Variants in SLC9A9 observed in about 807,000 individuals in gnomAD.
SLC9A9 encodes the protein sodium/hydrogen exchanger 9.
Under a neutral mutation model 77.8 loss-of-function variants are expected in SLC9A9, and 62 were observed. That is an observed-to-expected ratio of 0.80 (90% CI 0.65 to 0.98). The LOEUF is 0.98. Ranked by LOEUF, SLC9A9 falls within the 50% of genes least tolerant of loss-of-function variation. The probability of loss-of-function intolerance (pLI) is 0.00; values close to 1 mark genes in which losing one functional copy is unlikely to be tolerated. For synonymous variants in SLC9A9, 320 were observed against 283.5 expected, an observed-to-expected ratio of 1.13 and a Z score of -1.29; for missense variants, 775 against 774.9, an observed-to-expected ratio of 1.00 and a Z score of 0.00.
intron 14 of SLC9A9, among the ~76,000 whole-genome samples, chr3:143,349,517 T>G (rs1232636093): frequency 6.6e-6 from 1 of 152,212 alleles, no homozygotes; most frequent in Non-Finnish European, 1.5e-5. Flanking sequence ...GTAAGTATAA[T>G]AGTGTGAATC....
intron 4 of SLC9A9, among the ~76,000 whole-genome samples, chr3:143,725,045 C>T (rs1487566285): frequency 6.6e-6 from 1 of 152,166 alleles, no homozygotes; most frequent in Non-Finnish European, 1.5e-5. Flanking sequence ...TGCCTGGGCC[C>T]CTACATACAT....
intron 8 of SLC9A9, among the ~76,000 whole-genome samples, chr3:143,554,835 T>C (rs2036951846): frequency 6.6e-6 from 1 of 152,194 alleles, no homozygotes. Flanking sequence ...TCTGCAGATA[T>C]CCACATGGCT....
At chr3:143,840,358 C>T (rs1294913043) in intron 1 of SLC9A9, among the ~76,000 whole-genome samples, 1 of 151,722 alleles carries the variant, frequency 6.6e-6, no homozygotes, top group Non-Finnish European at 1.5e-5. Context: ...AATGGTTCTA[C>T]CTTCAGTATC....
intron 14 of SLC9A9, among the ~76,000 whole-genome samples, chr3:143,355,623 T>C (rs1214601530): frequency 2.0e-5 from 3 of 152,220 alleles, no homozygotes; most frequent in African/African-American, 7.2e-5. Context: ...CTTTATACCA[T>C]AGATGTGTTC....
chr3:143,802,988 TC>T (rs1333285324), intron 2 of SLC9A9, among the ~76,000 whole-genome samples: 1 of 152,046 alleles, frequency 6.6e-6, no homozygotes, highest in African/African-American at 2.4e-5. Context: ...CTGCTAATCT[TC>T]TCTTGCCTAC....
At chr3:143,765,111 T>TTTTC (rs1253555424) in intron 4 of SLC9A9, among the ~76,000 whole-genome samples, 1 of 150,512 alleles carries the variant, frequency 6.6e-6, no homozygotes, top group Non-Finnish European at 1.5e-5. Context: ...CTTTCCCTCT[T>TTTTC]TTTCTTTCTT....
intron 4 of SLC9A9, among the ~76,000 whole-genome samples, chr3:143,760,823 C>G (rs530967459): frequency 6.6e-6 from 1 of 152,258 alleles, no homozygotes; most frequent in South Asian, 2.1e-4. Flanking sequence ...ACTTTCTTCA[C>G]AGAATTGGAA....
At chr3:143,327,686 T>G (rs1323885677) in intron 14 of SLC9A9, among the ~76,000 whole-genome samples, 3 of 152,206 alleles carry the variant, frequency 2.0e-5, no homozygotes, top group Non-Finnish European at 4.4e-5. Context: ...CTCCTAAGAT[T>G]GTTCTTATTC....
At chr3:143,592,144 G>A (rs2037656293) in intron 6 of SLC9A9, among the ~76,000 whole-genome samples, 1 of 152,210 alleles carries the variant, frequency 6.6e-6, no homozygotes, top group African/African-American at 2.4e-5. Flanking sequence ...GAACAAGGAG[G>A]GAGTGTTCAA....
intron 8 of SLC9A9, among the ~76,000 whole-genome samples, chr3:143,552,687 GA>G (rs1424255772): frequency 6.6e-6 from 1 of 152,182 alleles, no homozygotes; most frequent in Non-Finnish European, 1.5e-5. Flanking sequence ...ATAAACATGA[GA>G]AGTAGATTCT....
At chr3:143,810,812 T>C (rs2008845087) in intron 2 of SLC9A9, among the ~76,000 whole-genome samples, 1 of 152,188 alleles carries the variant, frequency 6.6e-6, no homozygotes, top group South Asian at 2.1e-4. Context: ...TGCGAAGCAC[T>C]TGAAGATATA....
At chr3:143,569,320 G>A (rs1186043284) in intron 8 of SLC9A9, among the ~76,000 whole-genome samples, 1 of 151,028 alleles carries the variant, frequency 6.6e-6, no homozygotes. Flanking sequence ...TCAAACATTC[G>A]GTGGAACAAT....
chr3:143,613,885 G>A (rs566669183), intron 6 of SLC9A9, among the ~76,000 whole-genome samples: 3 of 152,072 alleles, frequency 2.0e-5, no homozygotes, highest in African/African-American at 4.8e-5. Context: ...TTAAAATAAT[G>A]TTGTCCATTC....
At chr3:143,818,009 G>C (rs2009066195) in intron 2 of SLC9A9, among the ~76,000 whole-genome samples, 1 of 152,026 alleles carries the variant, frequency 6.6e-6, no homozygotes, top group Non-Finnish European at 1.5e-5. Context: ...AAGCTTTAGA[G>C]ACCATCTGAT....
chr3:143,601,299 G>T (rs1445556014), intron 6 of SLC9A9, among the ~76,000 whole-genome samples: 1 of 152,062 alleles, frequency 6.6e-6, no homozygotes, highest in Non-Finnish European at 1.5e-5. Flanking sequence ...CTTTTGAGAT[G>T]GGAAATCATT....
chr3:143,450,726 A>C (rs10212321), intron 12 of SLC9A9, among the ~76,000 whole-genome samples: 42,217 of 152,144 alleles, frequency 0.28, 6,998 homozygotes, highest in East Asian at 0.51. Context: ...ACAGTGAATT[A>C]AAAAAGGGTA....
chr3:143,589,897 CTGAGG>C (rs2037617865), intron 6 of SLC9A9, among the ~76,000 whole-genome samples: 4 of 152,138 alleles, frequency 2.6e-5, no homozygotes, highest in Non-Finnish European at 5.9e-5. Context: ...ACTTCATAGA[CTGAGG>C]CAAAGTCCAC....
intron 12 of SLC9A9, among the ~76,000 whole-genome samples, chr3:143,394,380 A>C (rs1024306272): frequency 1.3e-5 from 2 of 152,218 alleles, no homozygotes; most frequent in Non-Finnish European, 2.9e-5. Context: ...GAAGCAGAAA[A>C]GGCCTTTGAC....
intron 12 of SLC9A9, among the ~76,000 whole-genome samples, chr3:143,407,977 G>C (rs1291473851): frequency 2.0e-5 from 3 of 152,164 alleles, no homozygotes; most frequent in African/African-American, 7.2e-5. Flanking sequence ...CAAGATGCTG[G>C]CCAATTAAGT....
Sources: allele counts gnomAD v4.1 joint callset (sites outside exome capture counted in the v4.1 genomes callset), GRCh38; gene constraint gnomAD v4.1.1; transcripts MANE v1.5; gene names NCBI Gene and HGNC (gene_info 2026-07-23, HGNC 2026-07-21).